The following LRP1B variants were observed in gnomAD, a reference collection of about 807,000 sequenced individuals.
LRP1B encodes the protein LDL receptor related protein 1B.
In LRP1B, 217 loss-of-function variants were observed where a neutral mutation model predicts 556.6. The ratio of observed to expected loss-of-function variants is 0.39; its 90% CI spans 0.35 to 0.44. LRP1B has a LOEUF of 0.44. Among genes scored for constraint, LRP1B ranks in the 20% least tolerant of loss-of-function variants. The pLI is 1.00. For missense variants in LRP1B, 5,053 were observed against 5,620.8 expected, an observed-to-expected ratio of 0.90 and a Z score of 3.23; for synonymous variants, 2,047 against 1,865.8, an observed-to-expected ratio of 1.10 and a Z score of -2.50.
chr2:140,926,060 T>C (rs71348762), intron 20 of LRP1B, among the ~76,000 whole-genome samples: 1 of 146,742 alleles, frequency 6.8e-6, no homozygotes, highest in African/African-American at 2.5e-5. Context: ...GATTTTCTTT[T>C]TTTTTTTTTT....
intron 2 of LRP1B, among the ~76,000 whole-genome samples, chr2:141,785,000 G>A (rs1695383800): frequency 6.6e-6 from 1 of 151,812 alleles, no homozygotes; most frequent in South Asian, 2.1e-4. Flanking sequence ...AAATAGGTGA[G>A]GAGTTCTCTG....
At chr2:140,415,552 G>C (rs139336792) in intron 66 of LRP1B, among the ~76,000 whole-genome samples, 1,853 of 152,212 alleles carry the variant, frequency 0.012, 33 homozygotes, top group African/African-American at 0.042. Context: ...TTCTCAGCCA[G>C]CCAACACTTA....
chr2:140,898,626 C>T (rs187853802), intron 23 of LRP1B: 3 of 365,682 alleles, frequency 8.2e-6, no homozygotes, highest in Non-Finnish European at 1.6e-5. Context: ...AGAACCTCCC[C>T]CTGAACAACA....
chr2:140,496,922 T>C (rs1688969722), intron 55 of LRP1B, among the ~76,000 whole-genome samples: 1 of 150,290 alleles, frequency 6.7e-6, no homozygotes, highest in African/African-American at 2.4e-5. Flanking sequence ...TATTTATTTA[T>C]TTATTTATTT....
intron 35 of LRP1B, among the ~76,000 whole-genome samples, chr2:140,728,004 G>C (rs1016539231): frequency 6.6e-6 from 1 of 151,976 alleles, no homozygotes; most frequent in African/African-American, 2.4e-5. Flanking sequence ...AGACTTCAAA[G>C]ATTTTAGATA....
chr2:141,847,578 A>C (rs940252278), intron 1 of LRP1B, among the ~76,000 whole-genome samples: 11 of 151,596 alleles, frequency 7.3e-5, no homozygotes, highest in African/African-American at 2.4e-4. Flanking sequence ...AAATATGTGC[A>C]ACAAATGCAG....
chr2:140,413,466 T>C (rs1382691831), intron 66 of LRP1B, among the ~76,000 whole-genome samples: 1 of 152,158 alleles, frequency 6.6e-6, no homozygotes, highest in East Asian at 1.9e-4. Context: ...ACGCTACACC[T>C]AGAAAAGCAT....
chr2:141,042,742 C>G (rs1314086182), intron 11 of LRP1B, among the ~76,000 whole-genome samples: 1 of 151,980 alleles, frequency 6.6e-6, no homozygotes, highest in South Asian at 2.1e-4. Context: ...AGTAAGTACT[C>G]ATTAAATGTT....
intron 66 of LRP1B, among the ~76,000 whole-genome samples, chr2:140,416,694 C>A (rs1269613916): frequency 6.6e-6 from 1 of 151,898 alleles, no homozygotes; most frequent in Non-Finnish European, 1.5e-5. Context: ...TAACAAGCTG[C>A]ATCTGGTGGC....
chr2:140,780,931 C>T (rs1363817194), intron 32 of LRP1B, among the ~76,000 whole-genome samples: 2 of 152,090 alleles, frequency 1.3e-5, no homozygotes, highest in Admixed American at 6.5e-5. Context: ...AACTAATTTC[C>T]ACAGGCAACA....
intron 3 of LRP1B, among the ~76,000 whole-genome samples, chr2:141,347,606 G>A (rs1284261252): frequency 6.6e-6 from 1 of 151,944 alleles, no homozygotes; most frequent in Admixed American, 6.6e-5. Flanking sequence ...TCAGATTTGA[G>A]TATTTTAAAA....
intron 79 of LRP1B, among the ~76,000 whole-genome samples, chr2:140,329,454 T>C (rs1680676929): frequency 6.6e-6 from 1 of 152,064 alleles, no homozygotes; most frequent in Non-Finnish European, 1.5e-5. Context: ...AAATTCATAA[T>C]GTCTCTGTTT....
chr2:141,765,250 A>G (rs1476693070), intron 2 of LRP1B, among the ~76,000 whole-genome samples: 1 of 152,256 alleles, frequency 6.6e-6, no homozygotes, highest in Non-Finnish European at 1.5e-5. Flanking sequence ...TACATTTAAG[A>G]TATTTTAAAA....
intron 3 of LRP1B, 52 bp from the exon 4 acceptor site, chr2:141,254,693 G>A (rs1206343892): frequency 7.2e-7 from 1 of 1,392,412 alleles, no homozygotes; most frequent in Non-Finnish European, 9.9e-7. Context: ...TATGTAAATA[G>A]TTTGTATTTC....
intron 3 of LRP1B, among the ~76,000 whole-genome samples, chr2:141,459,131 A>T (rs559989739): frequency 6.6e-6 from 1 of 152,252 alleles, no homozygotes; most frequent in Non-Finnish European, 1.5e-5. Context: ...ACCTAGCTGA[A>T]AAAGCTCCCA....
chr2:141,626,064 G>T (rs558685050), intron 2 of LRP1B, among the ~76,000 whole-genome samples: 13 of 151,978 alleles, frequency 8.6e-5, no homozygotes, highest in Non-Finnish European at 1.6e-4. Context: ...ACATACAGGG[G>T]TTTAAACACA....
At chr2:140,296,738 T>G (rs996535886) in intron 84 of LRP1B, among the ~76,000 whole-genome samples, 1 of 152,122 alleles carries the variant, frequency 6.6e-6, no homozygotes, top group Non-Finnish European at 1.5e-5. Flanking sequence ...AAATAAGAAT[T>G]GAGATTTGAT....
intron 43 of LRP1B, among the ~76,000 whole-genome samples, chr2:140,564,415 TATATC>T (rs1486712364): frequency 6.6e-6 from 1 of 152,156 alleles, no homozygotes; most frequent in African/African-American, 2.4e-5. Flanking sequence ...TTTAATCAAA[TATATC>T]ATATAAGTGT....
chr2:141,576,536 C>A (rs534337982), intron 2 of LRP1B, among the ~76,000 whole-genome samples: 3 of 152,138 alleles, frequency 2.0e-5, no homozygotes, highest in East Asian at 1.9e-4. Context: ...ATGTAGTAAA[C>A]CTACACGTTC....
Sources: allele counts gnomAD v4.1 joint callset (sites outside exome capture counted in the v4.1 genomes callset), GRCh38; gene constraint gnomAD v4.1.1; transcripts MANE v1.5; gene names NCBI Gene and HGNC (gene_info 2026-07-23, HGNC 2026-07-21).